The following ZNF536 variants were observed in gnomAD, a reference collection of about 807,000 sequenced individuals.
The protein encoded by ZNF536 is zinc finger protein 536.
Under a neutral mutation model 84.5 loss-of-function variants are expected in ZNF536, and 13 were observed. The observed-to-expected ratio is 0.15, with a 90% CI of 0.10 to 0.24. The LOEUF is 0.24. Among genes scored for constraint, ZNF536 ranks in the 10% least tolerant of loss-of-function variants. The pLI is 1.00. For synonymous variants in ZNF536, 811 were observed against 742.5 expected (o/e 1.09, Z -1.50); for missense variants, 1,536 against 1,747.5 (o/e 0.88, Z 2.16).
At chr19:30,384,116 CTTTCTTT>C (rs1568377977) in intron 1 of ZNF536, among the ~76,000 whole-genome samples, 5 of 63,788 alleles carry the variant, frequency 7.8e-5, no homozygotes, top group African/African-American at 3.3e-4. Context: ...TTCTTTCTTT[CTTTCTTT>C]CTTTCTTTCT....
intron 3 of ZNF536, among the ~76,000 whole-genome samples, chr19:30,541,397 GAA>G (rs34866942): frequency 0.013 from 1,821 of 137,284 alleles, 40 homozygotes; most frequent in African/African-American, 0.045. Flanking sequence ...GAGTAATGAT[GAA>G]AAAAAAAAAA....
chr19:30,626,717 A>T (rs1277649547), intron 1 of ZNF536, among the ~76,000 whole-genome samples: 1 of 152,166 alleles, frequency 6.6e-6, no homozygotes. Context: ...GTGCAGTCTG[A>T]TGGAGAAACA....
At chr19:30,677,305 G>A (rs573426915) in intron 1 of ZNF536, among the ~76,000 whole-genome samples, 1 of 152,218 alleles carries the variant, frequency 6.6e-6, no homozygotes, top group Non-Finnish European at 1.5e-5. Context: ...TCTTATTGGT[G>A]TTATACTTAA....
intron 2 of ZNF536, among the ~76,000 whole-genome samples, chr19:30,311,527 C>G (rs907252612): frequency 1.3e-5 from 2 of 152,144 alleles, no homozygotes; most frequent in Non-Finnish European, 2.9e-5. Flanking sequence ...TCATTTACTC[C>G]CCATATGGTC....
chr19:30,407,821 T>C (rs1189887310), intron 1 of ZNF536, among the ~76,000 whole-genome samples: 1 of 152,242 alleles, frequency 6.6e-6, no homozygotes, highest in East Asian at 1.9e-4. Context: ...TGCATGACTC[T>C]ACCATGATTG....
At chr19:30,419,603 T>C (rs1270651722) in intron 1 of ZNF536, among the ~76,000 whole-genome samples, 5 of 152,218 alleles carry the variant, frequency 3.3e-5, no homozygotes, top group African/African-American at 4.8e-5. Context: ...TGCTTCGCTA[T>C]TTTAAATCAG....
chr19:30,259,480 C>T (rs527354493), intron 1 of ZNF536, among the ~76,000 whole-genome samples: 12 of 152,284 alleles, frequency 7.9e-5, no homozygotes, highest in African/African-American at 1.4e-4. Context: ...CCCATCTAAT[C>T]GGAAACGCTG....
intron 2 of ZNF536, among the ~76,000 whole-genome samples, chr19:30,448,252 T>G (rs1269285439): frequency 1.3e-5 from 2 of 152,252 alleles, no homozygotes; most frequent in African/African-American, 4.8e-5. Flanking sequence ...ACAACCCGAA[T>G]CAGCTGTGCG....
rs536254942 is a variant in ZNF536 at position 30,531,629 on chromosome 19, A to G, written c.2171-3218A>G. Among the ~76,000 whole-genome samples, 16 of 151,906 alleles carry G rather than the reference A, an allele frequency of 1.1e-4. 1 individual carries two copies. The South Asian group carries it at 2.7e-3, about 26-fold the overall frequency. ...CCTGCCCTTGGAATCCCCAGTGTCC[A>G]TATATATTTTTTTGAGACAGGGTCT... On this transcript the variant is annotated intron_variant, in intron 2 of 4. Coordinates refer to ENST00000355537, the MANE Select transcript of ZNF536 (RefSeq NM_014717.3).
downstream of ZNF536, among the ~76,000 whole-genome samples, chr19:30,560,950 C>A (rs56367141): frequency 0.091 from 13,893 of 152,274 alleles, 805 homozygotes; most frequent in Non-Finnish European, 0.13. Context: ...GGGAACTCTG[C>A]ACAGCTATTT....
At position 30,341,512 on chromosome 19, in the gene ZNF536, T is replaced by C. The variant is rs74501147; in HGVS notation, c.-119-10856T>C. ...GTGCCTGCTGCTTCTCCTCTCGTGATTGATAGCTGCACCCCATTGGTCCCT... is the reference window on the plus strand; with the variant it reads ...GTGCCTGCTGCTTCTCCTCTCGTGACTGATAGCTGCACCCCATTGGTCCCT... On this transcript the variant is annotated intron_variant, in intron 2 of 5. Transcript: ENST00000585628. 8.6e-3 allele frequency among the ~76,000 whole-genome samples: 1,306 copies of C among 152,354 alleles called. 26 individuals carry two copies. The highest frequency in any genetic ancestry group is 0.03 in the African/African-American group (1,243 of 41,580).
At chr19:30,384,929 G>A (rs1488066515) in intron 1 of ZNF536, among the ~76,000 whole-genome samples, 1 of 152,100 alleles carries the variant, frequency 6.6e-6, no homozygotes, top group Non-Finnish European at 1.5e-5. Flanking sequence ...GGAGGCTGAG[G>A]TGGGAGGATC....
rs188608344 is a variant in ZNF536, at chr19:30,298,934, C to T, written c.-120+14793C>T. Reference sequence around the variant, plus strand: ...TGGCCCTATATGACTTCTAAGAGTCCCTCCAATTCTGAAGTTGTAGCACAT... The same window carrying T: ...TGGCCCTATATGACTTCTAAGAGTCTCTCCAATTCTGAAGTTGTAGCACAT... On this transcript the variant is annotated intron_variant, in intron 2 of 5. Transcript: ENST00000585628. 3.6e-3 allele frequency among the ~76,000 whole-genome samples: 548 copies of T among 152,172 alleles called. 5 individuals carry two copies. The highest frequency in any genetic ancestry group is 3.4e-3 in the Non-Finnish European group (234 of 68,016).
At chr19:30,259,123 G>A (rs7253788) in intron 1 of ZNF536, among the ~76,000 whole-genome samples, 4 of 152,016 alleles carry the variant, frequency 2.6e-5, no homozygotes, top group African/African-American at 9.7e-5. Context: ...CTCAACCCCC[G>A]CTTTTTCATT....
intron 2 of ZNF536, among the ~76,000 whole-genome samples, chr19:30,448,847 T>C (rs2052471641): frequency 6.6e-6 from 1 of 152,214 alleles, no homozygotes; most frequent in South Asian, 2.1e-4. Flanking sequence ...AAAAATGTCT[T>C]GCTCAGACCG....
intron 2 of ZNF536, among the ~76,000 whole-genome samples, chr19:30,335,931 G>A (rs1208838987): frequency 6.6e-6 from 1 of 152,052 alleles, no homozygotes; most frequent in African/African-American, 2.4e-5. Context: ...CCCACTGAAT[G>A]GATTCCTCCT....
chr19:30,527,846 G>A (rs981237514), intron 2 of ZNF536, among the ~76,000 whole-genome samples: 7 of 152,118 alleles, frequency 4.6e-5, no homozygotes, highest in Non-Finnish European at 8.8e-5. Context: ...GTATTATCTT[G>A]CTCCTGAAAA....
chr19:30,326,791 CTTTTTTTTTT>C (rs869076590), intron 2 of ZNF536, among the ~76,000 whole-genome samples: 18 of 51,974 alleles, frequency 3.5e-4, no homozygotes, highest in East Asian at 1.4e-3. Flanking sequence ...TTATAAAAAG[CTTTTTTTTTT>C]TTTTTTTTTT....
At chr19:30,475,120 A>G (rs1423552760) in intron 2 of ZNF536, among the ~76,000 whole-genome samples, 1 of 152,088 alleles carries the variant, frequency 6.6e-6, no homozygotes, top group Non-Finnish European at 1.5e-5. Context: ...TTGCTCTGTC[A>G]CCCAGGCTGG....
Sources: gnomAD v4.1 joint callset for allele counts (sites outside exome capture counted in the v4.1 genomes callset) on GRCh38, gnomAD v4.1.1 for gene constraint, MANE v1.5 for transcripts, NCBI Gene and HGNC (gene_info 2026-07-23, HGNC 2026-07-21) for gene names.